Variants in MSR1 observed in about 807,000 individuals in gnomAD.
MSR1 encodes macrophage scavenger receptor types I and II.
A neutral mutation model predicts 47.2 loss-of-function variants in MSR1; 53 were observed. The observed-to-expected ratio is 1.12, with a 90% CI of 0.90 to 1.41. The LOEUF (loss-of-function observed/expected upper bound fraction) is 1.41, where lower values mean the gene tolerates loss of function less well. MSR1 is among the 40% of genes most tolerant of loss of function. MSR1 has a pLI of 0.00. For missense variants in MSR1, 786 were observed against 546.9 expected, an observed-to-expected ratio of 1.44 and a Z score of -4.36; for synonymous variants, 239 against 185.6, an observed-to-expected ratio of 1.29 and a Z score of -2.34.
At chr8:16,188,922 T>C (rs976187900) in intron 1 of MSR1, among the ~76,000 whole-genome samples, 4 of 149,650 alleles carry the variant, frequency 2.7e-5, no homozygotes, top group African/African-American at 9.8e-5. Flanking sequence ...GAGGGACATT[T>C]GGGTTGGTTC....
In MSR1 at chr8:16,130,616, G is replaced by A. The variant is rs115984857; in HGVS notation, c.1034-10010C>T. Among the ~76,000 whole-genome samples the A allele has an allele frequency of 1.3e-3, 201 of 152,008 alleles. 2 individuals carry two copies. The highest frequency in any genetic ancestry group is 4.8e-3 in the African/African-American group (200 of 41,492). ...TAAGCATAGCAGCTGAGAGCTTTTC[G>A]ATCCTCACCCTCCTCCCACCTTCCA... On this transcript the variant is annotated intron_variant, in intron 8 of 9. Coordinates refer to ENST00000262101, the MANE Select transcript of MSR1 (RefSeq NM_138715.3).
intron 8 of MSR1, among the ~76,000 whole-genome samples, chr8:16,121,791 G>A (rs1047831848): frequency 1.3e-5 from 2 of 151,694 alleles, no homozygotes; most frequent in Non-Finnish European, 2.9e-5. Context: ...ATGTGAAAAT[G>A]GAGTTTTAAG....
chr8:16,117,551 G>T lies in MSR1; in HGVS notation c.1222+2867C>A, dbSNP rs142499552. Among the ~76,000 whole-genome samples the T allele has an allele frequency of 3.2e-4, 48 of 152,240 alleles. No homozygotes were observed. The East Asian group carries it at 7.7e-3, about 25-fold the overall frequency. ...ACAGCTGCTTTTGGTGCCTTTAAAG[G>T]TATGTTTGAGACAACTTCAAATTTC... On this transcript the variant is annotated intron_variant, in intron 9 of 9. Coordinates refer to ENST00000262101, the MANE Select transcript of MSR1 (RefSeq NM_138715.3).
intron 4 of MSR1, among the ~76,000 whole-genome samples, chr8:16,164,628 A>G (rs185151227): frequency 6.6e-6 from 1 of 152,082 alleles, no homozygotes; most frequent in East Asian, 1.9e-4. Context: ...ACATAGTCAA[A>G]TTTCGTGAAT....
At chr8:16,158,593 C>A (rs2117154349) in intron 5 of MSR1, among the ~76,000 whole-genome samples, 1 of 151,990 alleles carries the variant, frequency 6.6e-6, no homozygotes, top group South Asian at 2.1e-4. Context: ...AAAAATCTGC[C>A]ACATCTTCTA....
chr8:16,149,216 G>C (rs538215332), intron 7 of MSR1, among the ~76,000 whole-genome samples: 1 of 152,006 alleles, frequency 6.6e-6, no homozygotes, highest in African/African-American at 2.4e-5. Context: ...GTTTATTAAT[G>C]GTTACATATA....
chr8:16,174,022 G>C (rs930239766), intron 3 of MSR1, among the ~76,000 whole-genome samples: 1 of 152,138 alleles, frequency 6.6e-6, no homozygotes, highest in African/African-American at 2.4e-5. Flanking sequence ...CAAGAGACCA[G>C]AGTAACTCGG....
intron 1 of MSR1, among the ~76,000 whole-genome samples, chr8:16,190,832 C>T (rs1343953897): frequency 6.6e-6 from 1 of 151,534 alleles, no homozygotes; most frequent in Non-Finnish European, 1.5e-5. Flanking sequence ...TGTGATTCTC[C>T]TGCCTCAGAC....
intron 8 of MSR1, among the ~76,000 whole-genome samples, chr8:16,124,629 T>C (rs1223067616): frequency 6.6e-6 from 1 of 152,160 alleles, no homozygotes; most frequent in Non-Finnish European, 1.5e-5. Flanking sequence ...TCCCCTCTCA[T>C]TTCTACACTC....
chr8:16,186,793 A>AGTTACTTATTTTAGTTTTT (rs142369040), intron 1 of MSR1, among the ~76,000 whole-genome samples: 1 of 151,568 alleles, frequency 6.6e-6, no homozygotes, highest in African/African-American at 2.4e-5. Context: ...CACCATGCCC[A>AGTTACTTATTTTAGTTTTT]TCTAGAGATG....
At chr8:16,144,168 G>C (rs916162109) in intron 7 of MSR1, among the ~76,000 whole-genome samples, 1 of 151,964 alleles carries the variant, frequency 6.6e-6, no homozygotes, top group African/African-American at 2.4e-5. Context: ...TTTATACAGG[G>C]GTGTGGTACA....
intron 1 of MSR1, among the ~76,000 whole-genome samples, chr8:16,189,070 C>T (rs1189405287): frequency 4.2e-5 from 6 of 141,874 alleles, no homozygotes; most frequent in South Asian, 2.2e-4. Flanking sequence ...CCTTATTTTA[C>T]ATATATTTCA....
intron 1 of MSR1, among the ~76,000 whole-genome samples, chr8:16,188,536 C>G (rs573359313): frequency 8.6e-5 from 13 of 151,912 alleles, no homozygotes; most frequent in African/African-American, 3.1e-4. Flanking sequence ...GATACACGTG[C>G]AGAACGTGCA....
chr8:16,139,455 C>T (rs1002188560), intron 8 of MSR1: 13 of 979,162 alleles, frequency 1.3e-5, no homozygotes, highest in African/African-American at 1.8e-5. Context: ...CTGAGATACA[C>T]AGAGGCATAC....
rs1799679791 is a variant in MSR1 at position 16,108,245 on chromosome 8, G to A, written c.*1840C>T. ...CAATAGTACTATTATTATTTTAAAG[G>A]TAAATTTTATTTTAAAATAAAAATA... On this transcript the variant is annotated 3_prime_UTR_variant, in exon 10 of 10. Coordinates refer to ENST00000262101, the MANE Select transcript of MSR1 (RefSeq NM_138715.3). 1 of 149,574 alleles carries A rather than the reference G, an allele frequency of 6.7e-6. No homozygotes were observed. Among genetic ancestry groups the A allele is most frequent in the African/African-American group, 2.5e-5 (1 of 40,730 alleles). The allele number at this position is 149,574 out of a possible 1,614,324, so 9.3% of individuals were successfully genotyped here. A position where few individuals can be genotyped will look rare whatever the true frequency, so the allele number is the denominator to read the frequency against.
chr8:16,158,851 C>A (rs1419548355), intron 5 of MSR1, among the ~76,000 whole-genome samples: 1 of 150,872 alleles, frequency 6.6e-6, no homozygotes, highest in African/African-American at 2.4e-5. Context: ...CACATCTGTT[C>A]TTCCATTATT....
At chr8:16,144,621 G>T (rs1232007454) in intron 7 of MSR1, among the ~76,000 whole-genome samples, 1 of 152,016 alleles carries the variant, frequency 6.6e-6, no homozygotes, top group Non-Finnish European at 1.5e-5. Context: ...CTGGGTATGT[G>T]ACTTGGGACA....
chr8:16,146,828 A>G (rs879617600), intron 7 of MSR1, among the ~76,000 whole-genome samples: 2 of 152,148 alleles, frequency 1.3e-5, no homozygotes, highest in African/African-American at 4.8e-5. Flanking sequence ...TATTTATATA[A>G]TCATAGATAA....
intron 8 of MSR1, 126 bp downstream of exon 8, chr8:16,143,432 G>T: frequency 1.5e-6 from 1 of 683,034 alleles, no homozygotes; most frequent in Non-Finnish European, 2.5e-6. Context: ...AATTATGTTT[G>T]GCTTCCATAG....
Sources: allele counts gnomAD v4.1 joint callset (sites outside exome capture counted in the v4.1 genomes callset), GRCh38; gene constraint gnomAD v4.1.1; transcripts MANE v1.5; gene names NCBI Gene and HGNC (gene_info 2026-07-23, HGNC 2026-07-21).